Variants in BAZ2B observed in about 807,000 individuals in gnomAD.
The protein encoded by BAZ2B is bromodomain adjacent to zinc finger domain protein 2B.
In BAZ2B, 91 loss-of-function variants were observed where a neutral mutation model predicts 246.0. That is an observed-to-expected ratio of 0.37 (90% CI 0.31 to 0.44). The LOEUF (loss-of-function observed/expected upper bound fraction) is 0.44. Among genes scored for constraint, BAZ2B ranks in the 20% least tolerant of loss-of-function variants. The pLI is 1.00. For synonymous variants in BAZ2B, 855 were observed against 860.0 expected (o/e 0.99, Z 0.10); for missense variants, 2,332 against 2,533.7 (o/e 0.92, Z 1.71).
At chr2:159,371,608 C>T (rs1448340783) in intron 27 of BAZ2B, among the ~76,000 whole-genome samples, 1 of 152,158 alleles carries the variant, frequency 6.6e-6, no homozygotes, top group Non-Finnish European at 1.5e-5. Context: ...TACTTCTTAG[C>T]TGGGTTACTG....
At chr2:159,473,106 G>A (rs1371683104) in intron 3 of BAZ2B, among the ~76,000 whole-genome samples, 7 of 152,068 alleles carry the variant, frequency 4.6e-5, no homozygotes, top group Non-Finnish European at 8.8e-5. Context: ...CTGTGAATCT[G>A]TCTGGTCCTG....
chr2:159,518,555 G>A (rs894567922), intron 2 of BAZ2B, among the ~76,000 whole-genome samples: 1 of 152,170 alleles, frequency 6.6e-6, no homozygotes, highest in African/African-American at 2.4e-5. Context: ...AGAGACAAGA[G>A]GAGGAAGAAA....
intron 4 of BAZ2B, among the ~76,000 whole-genome samples, chr2:159,452,914 A>G (rs1354178800): frequency 6.6e-6 from 1 of 152,166 alleles, no homozygotes; most frequent in African/African-American, 2.4e-5. Flanking sequence ...AGCCTGGCCA[A>G]CATGGCGAAA....
the BAZ2B span, among the ~76,000 whole-genome samples, chr2:159,634,076 GACC>G: frequency 6.6e-6 from 1 of 152,004 alleles, no homozygotes; most frequent in Non-Finnish European, 1.5e-5. Flanking sequence ...TATACACAAG[GACC>G]AAAATTCAAT....
intron 1 of BAZ2B, among the ~76,000 whole-genome samples, chr2:159,590,858 G>T (rs1046933405): frequency 6.6e-6 from 1 of 152,114 alleles, no homozygotes; most frequent in Non-Finnish European, 1.5e-5. Context: ...AATAAGAAGT[G>T]TAAAACAGCA....
chr2:159,535,250 G>C (rs918020259), intron 2 of BAZ2B, among the ~76,000 whole-genome samples: 1 of 143,356 alleles, frequency 7.0e-6, no homozygotes, highest in Non-Finnish European at 1.5e-5. Flanking sequence ...GGCTGGGCGC[G>C]GTGGCTCACG....
At chr2:159,707,536 G>C in the BAZ2B span, among the ~76,000 whole-genome samples, 2 of 151,546 alleles carry the variant, frequency 1.3e-5, no homozygotes, top group Admixed American at 1.3e-4. Flanking sequence ...ACTAAAAATA[G>C]AAAAATTGGG....
At chr2:159,345,405 T>C (rs767987455) in intron 31 of BAZ2B, among the ~76,000 whole-genome samples, 1 of 152,184 alleles carries the variant, frequency 6.6e-6, no homozygotes, top group African/African-American at 2.4e-5. Flanking sequence ...CTGATCACTA[T>C]ACATTAAATG....
At position 159,576,912 on chromosome 2, in the gene BAZ2B, C is replaced by CAAAA. The variant is rs34337483; in HGVS notation, c.-45-21051_-45-21048dup. Among the ~76,000 whole-genome samples the CAAAA allele has an allele frequency of 2.6e-3, 135 of 51,038 alleles. 5 individuals carry two copies. Among genetic ancestry groups the CAAAA allele is most frequent in the African/African-American group, 9.0e-3 (101 of 11,252 alleles). The allele number at this position is 51,038 out of a possible 152,430, so 33.5% of individuals were successfully genotyped here. A position where few individuals can be genotyped will look rare whatever the true frequency, so the allele number is the denominator to read the frequency against. ...TGGGCTACAGAGTGAGACTGTGTCTCAAAAAAAAAAAAAAAAAAAAAAGGA... is the reference window on the plus strand; with the variant it reads ...TGGGCTACAGAGTGAGACTGTGTCTCAAAAAAAAAAAAAAAAAAAAAAAAAAGGA... On this transcript the variant is annotated intron_variant, in intron 1 of 36. Transcript: ENST00000392783.
At chr2:159,558,358 G>T (rs1578363446) in intron 1 of BAZ2B, among the ~76,000 whole-genome samples, 1 of 152,150 alleles carries the variant, frequency 6.6e-6, no homozygotes, top group East Asian at 1.9e-4. Context: ...CCAGGTTCAA[G>T]CAATTCTCCC....
intron 10 of BAZ2B, among the ~76,000 whole-genome samples, chr2:159,430,047 T>A (rs754857467): frequency 1.2e-4 from 19 of 152,256 alleles, no homozygotes; most frequent in South Asian, 8.3e-4. Flanking sequence ...ACATGGCACG[T>A]TAATGGAATA....
intron 27 of BAZ2B, among the ~76,000 whole-genome samples, chr2:159,352,343 T>A (rs1342089056): frequency 6.6e-6 from 1 of 152,210 alleles, no homozygotes; most frequent in East Asian, 1.9e-4. Context: ...GGACCCCCCA[T>A]TCATCTTAGA....
chr2:159,401,188 A>G (rs1180439032), intron 16 of BAZ2B, among the ~76,000 whole-genome samples: 1 of 152,266 alleles, frequency 6.6e-6, no homozygotes, highest in African/African-American at 2.4e-5. Flanking sequence ...CAAATGCTAA[A>G]TAAACAGAAA....
chr2:159,681,560 T>C, the BAZ2B span, among the ~76,000 whole-genome samples: 1 of 152,266 alleles, frequency 6.6e-6, no homozygotes, highest in South Asian at 2.1e-4. Context: ...AGAATTACTA[T>C]ATTGAAGGAT....
chr2:159,630,034 A>G, the BAZ2B span, among the ~76,000 whole-genome samples: 1 of 152,196 alleles, frequency 6.6e-6, no homozygotes, highest in Non-Finnish European at 1.5e-5. Context: ...GGTTACCTAA[A>G]AGGAGGAAGG....
intron 4 of BAZ2B, among the ~76,000 whole-genome samples, chr2:159,451,946 T>C (rs1319973945): frequency 1.3e-5 from 2 of 152,136 alleles, no homozygotes; most frequent in Admixed American, 1.3e-4. Flanking sequence ...ATTTAAGATA[T>C]CACTATCTAT....
At chr2:159,476,429 A>T (rs1486055373) in intron 3 of BAZ2B, among the ~76,000 whole-genome samples, 4 of 152,080 alleles carry the variant, frequency 2.6e-5, no homozygotes, top group Non-Finnish European at 5.9e-5. Context: ...AATAATGATT[A>T]AAAAAACGCA....
At chr2:159,569,483 T>C (rs1683423078) in intron 1 of BAZ2B, among the ~76,000 whole-genome samples, 1 of 152,298 alleles carries the variant, frequency 6.6e-6, no homozygotes, top group African/African-American at 2.4e-5. Flanking sequence ...GCAAGTTTTC[T>C]AATATTAAGC....
At chr2:159,700,163 A>G in the BAZ2B span, among the ~76,000 whole-genome samples, 1 of 152,318 alleles carries the variant, frequency 6.6e-6, no homozygotes, top group South Asian at 2.1e-4. Context: ...CACTAATGGC[A>G]GACTTAGAAT....
Sources: gnomAD v4.1 joint callset for allele counts (sites outside exome capture counted in the v4.1 genomes callset) on GRCh38, gnomAD v4.1.1 for gene constraint, MANE v1.5 for transcripts, NCBI Gene and HGNC (gene_info 2026-07-23, HGNC 2026-07-21) for gene names.